NRTN: variants seen among roughly 807,000 people sequenced by gnomAD.
NRTN encodes prepro-neurturin.
NRTN carries 3 observed loss-of-function variants against 7.5 expected under a neutral mutation model. The ratio of observed to expected loss-of-function variants is 0.40; its 90% confidence interval spans 0.18 to 1.03. The LOEUF (loss-of-function observed/expected upper bound fraction) is 1.03, where lower values mean the gene tolerates loss of function less well. Among genes scored for constraint, NRTN ranks in the 50% least tolerant of loss-of-function variants. The pLI, the probability that NRTN is intolerant of heterozygous loss-of-function variation, is 0.34. For synonymous variants in NRTN, 157 were observed against 146.6 expected, an observed-to-expected ratio of 1.07 and a Z score of -0.51; for missense variants, 310 against 307.0, an observed-to-expected ratio of 1.01 and a Z score of -0.07.
At chr19:5,819,252 C>T (rs1354984949) in intron 1 of NRTN, among the ~76,000 whole-genome samples, 3 of 152,318 alleles carry the variant, frequency 2.0e-5, no homozygotes, top group East Asian at 1.9e-4. Context: ...TGCAGCCAGG[C>T]GCAGTGGCTC....
intron 1 of NRTN, among the ~76,000 whole-genome samples, chr19:5,812,074 T>C (rs2056992273): frequency 6.6e-6 from 1 of 151,748 alleles, no homozygotes; most frequent in Non-Finnish European, 1.5e-5. Context: ...GGTTTCACCA[T>C]GTTATCCAAG....
chr19:5,819,219 G>A (rs1397549600), intron 1 of NRTN, among the ~76,000 whole-genome samples: 8 of 93,650 alleles, frequency 8.5e-5, no homozygotes, highest in Non-Finnish European at 2.1e-4. Flanking sequence ...TCCCATTCAT[G>A]CAGTGGGGAT....
intron 1 of NRTN, among the ~76,000 whole-genome samples, chr19:5,813,501 G>A (rs945433575): frequency 2.6e-4 from 40 of 151,958 alleles, no homozygotes; most frequent in Admixed American, 2.0e-4. Context: ...GTGGAACCTC[G>A]TTTCTAATAA....
In NRTN at chr19:5,806,226, A is replaced by G. The variant is rs2056974849; in HGVS notation, c.-399+775A>G. Among the ~76,000 whole-genome samples, 1 of 151,576 alleles carries G rather than the reference A, an allele frequency of 6.6e-6. No homozygotes were observed. Among genetic ancestry groups the G allele is most frequent in the African/African-American group, 2.4e-5 (1 of 41,194 alleles). ...GGGGGCTGCAGACAGATTAGTGGGG[A>G]GGGGGGTGTGCTGGAGAGAGAAATG... is the stretch of plus-strand genomic sequence containing the variant. On this transcript the variant is annotated intron_variant, in intron 1 of 2. Transcript: ENST00000303212. This position sits in a 1 kb window ranked among gnomAD's most constrained non-coding sequence, Gnocchi z 5.4.
chr19:5,819,917 A>C (rs1358975986), intron 1 of NRTN, among the ~76,000 whole-genome samples: 2 of 151,990 alleles, frequency 1.3e-5, no homozygotes, highest in African/African-American at 4.8e-5. Flanking sequence ...GAATGACTAT[A>C]TCTGTGTTAA....
Position 5,828,179 on chromosome 19 carries a change from CCTCA to C in NRTN, c.*10_*13del, listed in dbSNP as rs1568401523. On this transcript the variant is annotated 3_prime_UTR_variant, in exon 3 of 3. Transcript: ENST00000303212. Reference sequence around the variant, plus strand: ...GCGAGTGCGCCTGCGTGTGACCCTACCTCACTCGGCCGGCGCGGCGGCCACTCCC... The same window carrying C: ...GCGAGTGCGCCTGCGTGTGACCCTACCTCGGCCGGCGCGGCGGCCACTCCC... 6 of 1,529,934 alleles carry C rather than the reference CCTCA, an allele frequency of 3.9e-6. No individual in the cohort carries two copies. The highest frequency in any genetic ancestry group is 4.0e-5 in the Admixed American group (2 of 50,632). 94.8% of individuals were successfully genotyped at this position (1,529,934 alleles called of 1,614,324 possible).
chr19:5,827,936 C>A lies in NRTN; in HGVS notation c.357C>A (p.Tyr119Ter). ...GCGTGAGCGAGCTGGGCCTGGGCTA[C>A]GCGTCCGACGAGACGGTGCTGTTCC... is the stretch of plus-strand genomic sequence containing the variant. ...EVRVSELGLGYASDETVLFRY... is the reference protein window; with the variant it reads ...EVRVSELGLG Residue 119 changes from tyrosine to a stop codon, truncating the protein, a stop_gained, in exon 3 of 3, where the codon TAC (tyrosine) becomes TAA (stop). Transcript: ENST00000303212. LOFTEE classifies it low-confidence loss of function (END_TRUNC). 1 of 1,483,172 alleles carries A rather than the reference C, an allele frequency of 6.7e-7. No individual in the cohort carries two copies. Among genetic ancestry groups the A allele is most frequent in the South Asian group, 1.3e-5 (1 of 77,630 alleles). 91.9% of individuals were successfully genotyped at this position (1,483,172 alleles called of 1,614,324 possible).
Position 5,826,276 on chromosome 19 carries a change from C to A in NRTN, c.170-1473C>A, listed in dbSNP as rs567924480. On this transcript the variant is annotated intron_variant, in intron 2 of 2. Coordinates refer to ENST00000303212, the MANE Select transcript of NRTN (RefSeq NM_004558.5). ...GTGCCCCCTAACCCCCCAGCACAGT[C>A]CTGGCCACTCCAGTCCTGCTCCGGG... Among the ~76,000 whole-genome samples, 8 of 152,296 alleles carry A rather than the reference C, an allele frequency of 5.3e-5. No homozygotes were observed. In the South Asian group the frequency reaches 1.7e-3, roughly 32 times the overall value.
At chr19:5,825,555 C>A (rs1290309840) in intron 2 of NRTN, among the ~76,000 whole-genome samples, 1 of 152,252 alleles carries the variant, frequency 6.6e-6, no homozygotes, top group Non-Finnish European at 1.5e-5. Context: ...TGAAGTCCTT[C>A]CTAGGACTCT....
At chr19:5,805,477 T>TG (rs1000204663) in intron 1 of NRTN, among the ~76,000 whole-genome samples, 26 bp downstream of exon 1, 5 of 147,966 alleles carry the variant, frequency 3.4e-5, no homozygotes, top group Non-Finnish European at 6.0e-5. Flanking sequence ...GCGGGGCAGG[T>TG]GGGGGGGCAG....
intron 2 of NRTN, among the ~76,000 whole-genome samples, chr19:5,827,312 C>A (rs530543617): frequency 4.6e-5 from 7 of 150,548 alleles, no homozygotes; most frequent in Admixed American, 6.6e-5. Flanking sequence ...TGGGGCAGCC[C>A]AGCATAGGGG....
chr19:5,823,924 C>T lies in NRTN; in HGVS notation c.-242C>T. The T allele has an allele frequency of 1.7e-6, 1 of 603,466 alleles. No individual in the cohort carries two copies. Among genetic ancestry groups the T allele is most frequent in the Non-Finnish European group, 3.0e-6 (1 of 338,808 alleles). 37.4% of individuals were successfully genotyped at this position (603,466 alleles called of 1,614,324 possible). On this transcript the variant is annotated 5_prime_UTR_variant, in exon 2 of 3. Transcript: ENST00000303212. ...CAAGTCTGGACCTTGTCATCGGCTC[C>T]TCAGGAAGGCACTCCGGGACCCCCA...
chr19:5,827,614 G>A (rs2057051453), intron 2 of NRTN, 135 bp from the exon 3 acceptor site: 1 of 295,682 alleles, frequency 3.4e-6, no homozygotes, highest in East Asian at 9.6e-5. Flanking sequence ...TGGGACCTGG[G>A]AGTGAGACGA....
At chr19:5,823,106 GAAAGAAAGAA>G (rs1245310121) in intron 1 of NRTN, among the ~76,000 whole-genome samples, 1 of 99,086 alleles carries the variant, frequency 1.0e-5, no homozygotes, top group East Asian at 2.5e-4. Flanking sequence ...AAAGAAAAAG[GAAAGAAAGAA>G]AGAGAAAGAG....
intron 1 of NRTN, among the ~76,000 whole-genome samples, chr19:5,820,604 G>T (rs7252435): frequency 1.3e-4 from 18 of 142,286 alleles, no homozygotes; most frequent in African/African-American, 4.7e-4. Flanking sequence ...TGGCACATTC[G>T]TTTAATCCCA....
chr19:5,819,868 TG>T (rs2057017423), intron 1 of NRTN, among the ~76,000 whole-genome samples: 1 of 148,410 alleles, frequency 6.7e-6, no homozygotes, highest in Non-Finnish European at 1.5e-5. Context: ...AAAAAAAAAG[TG>T]GGGGTATTAC....
rs1265635746 is a variant in NRTN, at chr19:5,828,247, C to G, written c.*74C>G. 1.4e-6 allele frequency: 2 copies of G among 1,477,642 alleles called. No individual in the cohort carries two copies. The highest frequency in any genetic ancestry group is 2.8e-5 in the African/African-American group (2 of 70,668). 91.5% of individuals were successfully genotyped at this position (1,477,642 alleles called of 1,614,324 possible). ...CACCACTGGCCGGCCCCGCGAAAGA[C>G]TGCGCGTGCGTAGAGCACGCCGGCG... On this transcript the variant is annotated 3_prime_UTR_variant, in exon 3 of 3. Coordinates refer to ENST00000303212, the MANE Select transcript of NRTN (RefSeq NM_004558.5).
intron 1 of NRTN, among the ~76,000 whole-genome samples, chr19:5,811,110 G>A (rs2056989398): frequency 6.6e-6 from 1 of 151,898 alleles, no homozygotes; most frequent in Non-Finnish European, 1.5e-5. Flanking sequence ...GTAGTGGCGT[G>A]CACCTGTAAT....
intron 1 of NRTN, among the ~76,000 whole-genome samples, chr19:5,809,191 GAGAC>G (rs2056982772): frequency 7.5e-6 from 1 of 133,578 alleles, no homozygotes; most frequent in East Asian, 2.1e-4. Context: ...TTTTTTTTCT[GAGAC>G]GGTGTTGCTC....
Sources: gnomAD v4.1 joint callset for allele counts (sites outside exome capture counted in the v4.1 genomes callset) on GRCh38, gnomAD v4.1.1 for gene constraint, Gnocchi (gnomAD v3.1) non-coding constraint, MANE v1.5 for transcripts, NCBI Gene and HGNC (gene_info 2026-07-23, HGNC 2026-07-21) for gene names.